Variants in RGS6 observed in about 807,000 individuals in gnomAD.
RGS6 encodes the protein regulator of G-protein signaling 6.
A neutral mutation model predicts 78.5 loss-of-function variants in RGS6; 30 were observed. The ratio of observed to expected loss-of-function variants is 0.38; its 90% CI spans 0.29 to 0.52. The LOEUF (loss-of-function observed/expected upper bound fraction) is 0.52, where lower values mean the gene tolerates loss of function less well. Among genes scored for constraint, RGS6 ranks in the 20% least tolerant of loss-of-function variants. RGS6 has a pLI of 0.85. For synonymous variants in RGS6, 206 were observed against 206.0 expected (o/e 1.00, Z 0.00); for missense variants, 495 against 609.7 (o/e 0.81, Z 1.98).
At chr14:71,923,139 C>T in the RGS6 span, among the ~76,000 whole-genome samples, 10 of 152,152 alleles carry the variant, frequency 6.6e-5, no homozygotes, top group South Asian at 2.1e-4. Context: ...AGAAATGGAA[C>T]GGCCATGATT....
chr14:71,891,364 C>A, the RGS6 span, among the ~76,000 whole-genome samples: 1 of 152,168 alleles, frequency 6.6e-6, no homozygotes, highest in Non-Finnish European at 1.5e-5. Flanking sequence ...CAAGGTGGCT[C>A]CTCCCATGGC....
At position 71,964,862 on chromosome 14, in the gene RGS6, T is replaced by C; in HGVS notation, c.71T>C (p.Ile24Thr). The C allele has an allele frequency of 2.5e-6, 4 of 1,613,754 alleles. No homozygotes were observed. The highest frequency in any genetic ancestry group is 3.4e-6 in the Non-Finnish European group (4 of 1,179,840). ...CCAGAGGAGAGTTCTCCAAACATGA[T>C]CGTTTACTGCAAAGTAAGGCGCCTG... Reference protein sequence around the residue: ...ADPEESSPNMIVYCKIEDIIT... With the variant: ...ADPEESSPNMTVYCKIEDIIT... Residue 24 changes from isoleucine (I) to threonine (T), a missense_variant, in exon 2 of 18, where the codon ATC (isoleucine) becomes ACC (threonine). Coordinates refer to ENST00000553525, the MANE Select transcript of RGS6 (RefSeq NM_001204424.2).
At position 72,487,571 on chromosome 14, in the gene RGS6, A is replaced by G. The variant is rs149173876; in HGVS notation, c.855-7581A>G. Among the ~76,000 whole-genome samples the G allele has an allele frequency of 6.6e-5, 10 of 152,336 alleles. No individual in the cohort carries two copies. In the East Asian group the frequency reaches 1.9e-3, roughly 29 times the overall value. ...TCCCGGAAATGTGGAAGAGAGAGGC[A>G]GAAGAGTCGGTGTCAGAGTGATGCA... is the stretch of plus-strand genomic sequence containing the variant. On this transcript the variant is annotated intron_variant, in intron 12 of 17. Transcript: ENST00000553525.
chr14:72,303,503 C>A (rs1475586412), intron 2 of RGS6, among the ~76,000 whole-genome samples: 1 of 152,230 alleles, frequency 6.6e-6, no homozygotes, highest in East Asian at 1.9e-4. Flanking sequence ...TGTCTCAAAG[C>A]AAAACAAAAA....
At chr14:72,024,546 C>T (rs2089444534) in intron 2 of RGS6, among the ~76,000 whole-genome samples, 1 of 152,164 alleles carries the variant, frequency 6.6e-6, no homozygotes, top group African/African-American at 2.4e-5. Context: ...GATTCATATC[C>T]AGCTCTTGCA....
At chr14:72,629,822 C>T in the RGS6 span, 5 of 1,112,858 alleles carry the variant, frequency 4.5e-6, no homozygotes, top group African/African-American at 6.2e-5. Flanking sequence ...CATTGATGCC[C>T]AGTGTGCAGG....
At chr14:72,063,891 G>A (rs1454917372) in intron 2 of RGS6, among the ~76,000 whole-genome samples, 1 of 152,086 alleles carries the variant, frequency 6.6e-6, no homozygotes, top group Non-Finnish European at 1.5e-5. Flanking sequence ...ATTTCTAGGA[G>A]TAGGAGTGTA....
At chr14:72,341,761 C>T (rs1335755364) in intron 2 of RGS6, among the ~76,000 whole-genome samples, 2 of 152,186 alleles carry the variant, frequency 1.3e-5, no homozygotes, top group Non-Finnish European at 2.9e-5. Context: ...AGATAATTTA[C>T]ATCAATTATT....
At chr14:72,053,087 T>C (rs180922452) in intron 2 of RGS6, among the ~76,000 whole-genome samples, 117 of 9,420 alleles carry the variant, frequency 0.012, 4 homozygotes, top group African/African-American at 0.025. Context: ...CTCCCTTCCT[T>C]CCTTCCTTCC....
At chr14:72,106,181 TTGA>T (rs1376513752) in intron 2 of RGS6, among the ~76,000 whole-genome samples, 1 of 152,244 alleles carries the variant, frequency 6.6e-6, no homozygotes, top group Non-Finnish European at 1.5e-5. Flanking sequence ...CTAAGTTCTG[TTGA>T]TCTGTCTTTC....
chr14:72,048,214 C>A (rs1417007499), intron 2 of RGS6, among the ~76,000 whole-genome samples: 1 of 152,172 alleles, frequency 6.6e-6, no homozygotes, highest in Non-Finnish European at 1.5e-5. Flanking sequence ...AATGTTTTCA[C>A]TTTAACGGGG....
At chr14:72,629,621 C>T in the RGS6 span, 1 of 1,535,280 alleles carries the variant, frequency 6.5e-7, no homozygotes, top group Admixed American at 2.0e-5. Context: ...GCCCCAAACT[C>T]ACATCATTCT....
chr14:72,320,958 T>C (rs141014092), intron 2 of RGS6, among the ~76,000 whole-genome samples: 2 of 150,068 alleles, frequency 1.3e-5, no homozygotes, highest in African/African-American at 2.4e-5. Context: ...TATATTTAAA[T>C]ATACAAAAAT....
rs191193513 is a variant in RGS6 at position 72,248,823 on chromosome 14, T to G, written c.85-103272T>G. On this transcript the variant is annotated intron_variant, in intron 2 of 17. Coordinates refer to ENST00000553525, the MANE Select transcript of RGS6 (RefSeq NM_001204424.2). Reference sequence around the variant, plus strand: ...TCTGCATTTTAGTAAGATCACTAGGTAATTTTAACCTACAGGTTGAGAGTT... The same window carrying G: ...TCTGCATTTTAGTAAGATCACTAGGGAATTTTAACCTACAGGTTGAGAGTT... Among the ~76,000 whole-genome samples the G allele has an allele frequency of 9.1e-4, 138 of 152,308 alleles. 4 individuals are homozygous for G. The highest frequency in any genetic ancestry group is 8.9e-3 in the Admixed American group (136 of 15,302).
intron 15 of RGS6, among the ~76,000 whole-genome samples, chr14:72,535,606 T>C (rs138408341): frequency 2.8e-4 from 42 of 152,290 alleles, no homozygotes; most frequent in African/African-American, 1.0e-3. Context: ...TCTATACAAC[T>C]TTATCACGTG....
intron 3 of RGS6, among the ~76,000 whole-genome samples, chr14:72,384,720 TGA>T (rs1449833174): frequency 6.6e-6 from 1 of 152,098 alleles, no homozygotes; most frequent in Non-Finnish European, 1.5e-5. Flanking sequence ...GACTTTTAAC[TGA>T]GGGGACACGG....
chr14:72,540,031 T>C lies in RGS6; in HGVS notation c.1369-10T>C. 6.4e-7 allele frequency: 1 copy of C among 1,562,840 alleles called. No homozygotes were observed. Among genetic ancestry groups the C allele is most frequent in the South Asian group, 1.2e-5 (1 of 83,378 alleles). On this transcript the variant is annotated splice_polypyrimidine_tract_variant and intron_variant, in intron 16 of 17. Transcript: ENST00000553525. The stretch of plus-strand genomic sequence containing the variant: ...ATTTTTCTCCCTACCCTTTTTTTTT[T>C]TTCCTAAAGCCAGAAAGTGAGCAAG...
intron 2 of RGS6, among the ~76,000 whole-genome samples, chr14:72,023,527 G>A (rs1023074101): frequency 6.6e-5 from 10 of 152,252 alleles, no homozygotes; most frequent in African/African-American, 2.4e-4. Context: ...GTCAAGGGGT[G>A]AAACTGAGAG....
intron 2 of RGS6, among the ~76,000 whole-genome samples, chr14:72,191,286 G>A (rs543642409): frequency 7.2e-4 from 109 of 151,890 alleles, no homozygotes; most frequent in Non-Finnish European, 1.2e-3. Flanking sequence ...CCACACCTGC[G>A]TTTGTAAATG....
Sources: gnomAD v4.1 joint callset for allele counts (sites outside exome capture counted in the v4.1 genomes callset) on GRCh38, gnomAD v4.1.1 for gene constraint, MANE v1.5 for transcripts, NCBI Gene and HGNC (gene_info 2026-07-23, HGNC 2026-07-21) for gene names.